REDIC1: variants seen among roughly 807,000 people sequenced by gnomAD.
REDIC1 encodes the protein regulator of DNA class I crossover intermediates 1.
chr12:39,714,682 C>G, the REDIC1 span, among the ~76,000 whole-genome samples: 1 of 151,794 alleles, frequency 6.6e-6, no homozygotes, highest in Non-Finnish European at 1.5e-5. Context: ...TTCCCACCAG[C>G]AATGTAGAAG....
chr12:39,711,930 T>A, the REDIC1 span, among the ~76,000 whole-genome samples: 1 of 125,518 alleles, frequency 8.0e-6, no homozygotes, highest in African/African-American at 3.0e-5. Context: ...TACATGTCTA[T>A]ATGTATATAG....
the REDIC1 span, chr12:39,872,086 T>A: frequency 1.5e-6 from 1 of 685,030 alleles, no homozygotes; most frequent in Non-Finnish European, 2.2e-6. Context: ...AACATCAAAT[T>A]AACGTGGGAA....
the REDIC1 span, among the ~76,000 whole-genome samples, chr12:39,814,928 T>G: frequency 6.6e-6 from 1 of 152,194 alleles, no homozygotes; most frequent in African/African-American, 2.4e-5. Flanking sequence ...GCTGAGATTT[T>G]TAAGTTGGTC....
the REDIC1 span, among the ~76,000 whole-genome samples, chr12:39,860,207 G>C: frequency 6.6e-6 from 1 of 152,208 alleles, no homozygotes; most frequent in South Asian, 2.1e-4. Context: ...TTGGACCTCA[G>C]TAAGGAAACT....
the REDIC1 span, among the ~76,000 whole-genome samples, chr12:39,877,120 T>C: frequency 6.6e-6 from 1 of 152,194 alleles, no homozygotes; most frequent in African/African-American, 2.4e-5. Context: ...ATTGGGAGAC[T>C]GTTTGTATAC....
the REDIC1 span, among the ~76,000 whole-genome samples, chr12:39,775,584 T>C: frequency 1.3e-5 from 2 of 152,230 alleles, no homozygotes; most frequent in African/African-American, 4.8e-5. Flanking sequence ...TTTCTCTTAT[T>C]CCATTATCAC....
chr12:39,704,785 A>G, the REDIC1 span, among the ~76,000 whole-genome samples: 50 of 152,322 alleles, frequency 3.3e-4, no homozygotes, highest in Non-Finnish European at 6.2e-4. Context: ...ACATGGATGA[A>G]ATTGGAAATC....
chr12:39,874,615 C>CAAAAAA, the REDIC1 span, among the ~76,000 whole-genome samples: 3 of 101,116 alleles, frequency 3.0e-5, no homozygotes, highest in Non-Finnish European at 2.0e-5. Flanking sequence ...AACTCCATCT[C>CAAAAAA]AAAAAAAAAA....
chr12:39,827,480 T>A, the REDIC1 span, among the ~76,000 whole-genome samples: 1 of 152,192 alleles, frequency 6.6e-6, no homozygotes, highest in Admixed American at 6.5e-5. Context: ...CTCTCACCTG[T>A]AAGGCTTATA....
At chr12:39,671,010 C>T in the REDIC1 span, among the ~76,000 whole-genome samples, 21 of 152,086 alleles carry the variant, frequency 1.4e-4, no homozygotes, top group Admixed American at 5.2e-4. Flanking sequence ...ATCATGATTT[C>T]GAATTCTTTT....
At chr12:39,851,786 A>C in the REDIC1 span, among the ~76,000 whole-genome samples, 1 of 152,236 alleles carries the variant, frequency 6.6e-6, no homozygotes, top group Admixed American at 6.5e-5. Context: ...CTGCAAATTA[A>C]GTACTCCTAC....
chr12:39,906,416 C>A, the REDIC1 span, among the ~76,000 whole-genome samples: 1 of 152,066 alleles, frequency 6.6e-6, no homozygotes, highest in East Asian at 1.9e-4. Context: ...TACCTACACA[C>A]AATAGATATG....
chr12:39,843,521 T>A, the REDIC1 span, among the ~76,000 whole-genome samples: 1 of 152,080 alleles, frequency 6.6e-6, no homozygotes, highest in Non-Finnish European at 1.5e-5. Context: ...CTACTTGCCC[T>A]CCATTTCAAG....
the REDIC1 span, among the ~76,000 whole-genome samples, chr12:39,898,866 T>G: frequency 3.3e-5 from 5 of 152,176 alleles, no homozygotes; most frequent in Non-Finnish European, 5.9e-5. Context: ...TAGCATGTTC[T>G]TCACCCTTGT....
At chr12:39,896,236 G>A in the REDIC1 span, among the ~76,000 whole-genome samples, 1 of 99,482 alleles carries the variant, frequency 1.0e-5, no homozygotes, top group East Asian at 3.4e-4. Context: ...ATGCATATGT[G>A]TATATATGTA....
chr12:39,895,357 G>C, the REDIC1 span, among the ~76,000 whole-genome samples: 1 of 151,076 alleles, frequency 6.6e-6, no homozygotes, highest in African/African-American at 2.4e-5. Context: ...GGGCTTGGTG[G>C]CAGGCACCTG....
the REDIC1 span, among the ~76,000 whole-genome samples, chr12:39,854,622 C>T: frequency 3.3e-5 from 5 of 152,156 alleles, no homozygotes; most frequent in Non-Finnish European, 7.3e-5. Context: ...CAATCTATAT[C>T]CCAAAACTCA....
chr12:39,703,578 A>G, the REDIC1 span, among the ~76,000 whole-genome samples: 1 of 152,130 alleles, frequency 6.6e-6, no homozygotes, highest in Non-Finnish European at 1.5e-5. Context: ...GAATTGGAAA[A>G]AACTAAAGTT....
At chr12:39,798,192 G>T in the REDIC1 span, among the ~76,000 whole-genome samples, 2 of 152,160 alleles carry the variant, frequency 1.3e-5, no homozygotes, top group South Asian at 4.1e-4. Flanking sequence ...TAACCTGCCA[G>T]GCACACGAGG....
Sources: allele counts gnomAD v4.1 joint callset (sites outside exome capture counted in the v4.1 genomes callset), GRCh38; gene constraint gnomAD v4.1.1; transcripts MANE v1.5; gene names NCBI Gene and HGNC (gene_info 2026-07-23, HGNC 2026-07-21).